Variants in RNF6 observed in about 807,000 individuals in gnomAD.
RNF6 encodes the protein ring finger protein 6.
Under a neutral mutation model 50.1 loss-of-function variants are expected in RNF6, and 21 were observed. The ratio of observed to expected loss-of-function variants is 0.42; its 90% CI spans 0.30 to 0.60. The LOEUF is 0.60. RNF6 is among the 20% of genes least tolerant of loss of function. The pLI, the probability that RNF6 is intolerant of heterozygous loss-of-function variation, is 0.20. For missense variants in RNF6, 698 were observed against 838.2 expected, an observed-to-expected ratio of 0.83 and a Z score of 2.07; for synonymous variants, 255 against 291.8, an observed-to-expected ratio of 0.87 and a Z score of 1.29.
intron 5 of RNF6, among the ~76,000 whole-genome samples, chr13:26,137,740 T>A (rs1255879963): frequency 6.6e-6 from 1 of 150,968 alleles, no homozygotes; most frequent in Admixed American, 6.6e-5. Context: ...CAAGAGAAGA[T>A]TTTAGCAGAC....
chr13:26,134,725 G>A (rs920495833), intron 5 of RNF6, among the ~76,000 whole-genome samples: 15 of 152,120 alleles, frequency 9.9e-5, no homozygotes, highest in African/African-American at 3.1e-4. Flanking sequence ...CAGGAAAAAT[G>A]GGGAAAAGTA....
At chr13:26,178,079 C>T (rs564917168) in intron 5 of RNF6, among the ~76,000 whole-genome samples, 1 of 152,282 alleles carries the variant, frequency 6.6e-6, no homozygotes, top group South Asian at 2.1e-4. Context: ...ATCCCAGCTA[C>T]TCAGGAGGCT....
intron 5 of RNF6, among the ~76,000 whole-genome samples, chr13:26,156,187 AG>A: frequency 6.6e-6 from 1 of 152,346 alleles, no homozygotes; most frequent in East Asian, 1.9e-4. Context: ...AATTAGAAAG[AG>A]AAAGAAATAA....
chr13:26,197,277 C>T (rs957056837), intron 5 of RNF6, among the ~76,000 whole-genome samples: 1 of 151,916 alleles, frequency 6.6e-6, no homozygotes, highest in Non-Finnish European at 1.5e-5. Context: ...CCCTGACCTC[C>T]CTTTCCTAGA....
chr13:26,188,987 A>G (rs900209136), intron 5 of RNF6, among the ~76,000 whole-genome samples: 4 of 152,010 alleles, frequency 2.6e-5, no homozygotes, highest in South Asian at 2.1e-4. Flanking sequence ...AAAGGCTTAC[A>G]CTCCCATGAA....
chr13:26,213,720 T>G lies in RNF6; in HGVS notation c.*104A>C. 1 of 876,728 alleles carries G rather than the reference T, an allele frequency of 1.1e-6. No individual in the cohort carries two copies. The highest frequency in any genetic ancestry group is 1.7e-6 in the Non-Finnish European group (1 of 586,296). The allele number at this position is 876,728 out of a possible 1,614,324, so 54.3% of individuals were successfully genotyped here. A position where few individuals can be genotyped will look rare whatever the true frequency, so the allele number is the denominator to read the frequency against. On this transcript the variant is annotated 3_prime_UTR_variant, in exon 5 of 5. Coordinates refer to ENST00000381588, the MANE Select transcript of RNF6 (RefSeq NM_005977.4). ...GAAAAATAGTTCAAACTATATATAA[T>G]CTGTTATTTTTCATCCTGGTTAGCT...
At chr13:26,138,052 CA>C (rs1385646188) in intron 5 of RNF6, among the ~76,000 whole-genome samples, 1 of 152,032 alleles carries the variant, frequency 6.6e-6, no homozygotes, top group Non-Finnish European at 1.5e-5. Context: ...CACACCTAAA[CA>C]AATTGTAATC....
At chr13:26,133,613 A>G (rs1291327755) in intron 5 of RNF6, among the ~76,000 whole-genome samples, 2 of 152,184 alleles carry the variant, frequency 1.3e-5, no homozygotes, top group East Asian at 1.9e-4. Flanking sequence ...TGTTAAGCCT[A>G]TCCCTAGAGG....
chr13:26,199,775 A>G (rs532276777), intron 5 of RNF6, among the ~76,000 whole-genome samples: 121 of 152,320 alleles, frequency 7.9e-4, no homozygotes, highest in African/African-American at 2.9e-3. Flanking sequence ...ATGAAGATAC[A>G]TTAAAAAATA....
chr13:26,152,443 C>T lies in RNF6; in HGVS notation n.769-19992G>A, dbSNP rs181983919. On this transcript the variant is annotated intron_variant and non_coding_transcript_variant, in intron 5 of 5. Transcript: ENST00000468480. Reference sequence around the variant, plus strand: ...TTTTCAGTAGCTTTTTCTAAACCACCCACCCCCAAGCCAGAAGCAGGCTGT... The same window carrying T: ...TTTTCAGTAGCTTTTTCTAAACCACTCACCCCCAAGCCAGAAGCAGGCTGT... 6.3e-4 allele frequency among the ~76,000 whole-genome samples: 96 copies of T among 152,314 alleles called. No homozygotes were observed. In the East Asian group the frequency reaches 0.018, roughly 28 times the overall value.
At chr13:26,219,937 T>A (rs1870302527) in intron 2 of RNF6, among the ~76,000 whole-genome samples, 1 of 152,188 alleles carries the variant, frequency 6.6e-6, no homozygotes, top group African/African-American at 2.4e-5. Flanking sequence ...AATACCATAG[T>A]GATTATCTCA....
chr13:26,134,137 C>T (rs117055926), intron 5 of RNF6, among the ~76,000 whole-genome samples: 1,709 of 152,316 alleles, frequency 0.011, 16 homozygotes, highest in Non-Finnish European at 0.018. Context: ...CTGACCCTCC[C>T]GTAGACCTTT....
intron 5 of RNF6, among the ~76,000 whole-genome samples, chr13:26,143,740 C>T (rs556361775): frequency 3.3e-5 from 5 of 152,262 alleles, no homozygotes; most frequent in African/African-American, 1.2e-4. Context: ...TCTTCAAAAG[C>T]CTATTTTACA....
At chr13:26,201,765 T>G (rs1166520529) in intron 5 of RNF6, among the ~76,000 whole-genome samples, 1 of 152,172 alleles carries the variant, frequency 6.6e-6, no homozygotes, top group East Asian at 1.9e-4. Flanking sequence ...AGTAGCATAA[T>G]TAAGAGGCAG....
chr13:26,176,419 T>A (rs551419499), intron 5 of RNF6, among the ~76,000 whole-genome samples: 3 of 152,252 alleles, frequency 2.0e-5, no homozygotes, highest in African/African-American at 7.2e-5. Context: ...CCTTCCAAAG[T>A]CATTGGATTA....
intron 5 of RNF6, among the ~76,000 whole-genome samples, chr13:26,200,512 C>A (rs911471658): frequency 1.2e-4 from 18 of 150,562 alleles, no homozygotes; most frequent in African/African-American, 4.4e-4. Flanking sequence ...CAGGTTCAAG[C>A]AATTCTCCTG....
chr13:26,133,814 C>A (rs1458079720), intron 5 of RNF6, among the ~76,000 whole-genome samples: 1 of 152,038 alleles, frequency 6.6e-6, no homozygotes, highest in African/African-American at 2.4e-5. Context: ...TCGGATAATT[C>A]TAAGATTTCT....
chr13:26,159,963 T>C (rs1253333513), intron 5 of RNF6, among the ~76,000 whole-genome samples: 2 of 152,210 alleles, frequency 1.3e-5, no homozygotes, highest in Non-Finnish European at 2.9e-5. Context: ...TTTTTAGATT[T>C]GTAGAGGCTA....
chr13:26,195,317 T>A (rs999736232), intron 5 of RNF6, among the ~76,000 whole-genome samples: 3 of 152,122 alleles, frequency 2.0e-5, no homozygotes, highest in Admixed American at 6.5e-5. Context: ...GAATTCTGAG[T>A]TTTAGGGTAT....
Sources: allele counts gnomAD v4.1 joint callset (sites outside exome capture counted in the v4.1 genomes callset), GRCh38; gene constraint gnomAD v4.1.1; transcripts MANE v1.5; gene names NCBI Gene and HGNC (gene_info 2026-07-23, HGNC 2026-07-21).